The following ANKRD18A variants were observed in gnomAD, a reference collection of about 807,000 sequenced individuals.
ANKRD18A encodes ankyrin repeat domain 18A, also known as ankyrin repeat domain-containing protein 18A.
A neutral mutation model predicts 110.6 loss-of-function variants in ANKRD18A; 72 were observed. That is an observed-to-expected ratio of 0.65 (90% CI 0.54 to 0.79). The LOEUF is 0.79. Among genes scored for constraint, ANKRD18A ranks in the 30% least tolerant of loss-of-function variants. The pLI is 0.00. For synonymous variants in ANKRD18A, 305 were observed against 410.3 expected (o/e 0.74, Z 3.10); for missense variants, 934 against 1,163.3 (o/e 0.80, Z 2.87).
chr9:38,620,327 C>T lies in ANKRD18A; in HGVS notation c.-42G>A, dbSNP rs1342141582. The T allele has an allele frequency of 6.5e-7, 1 of 1,530,242 alleles. No homozygotes were observed. The highest frequency in any genetic ancestry group is 8.8e-7 in the Non-Finnish European group (1 of 1,134,982). 94.8% of individuals were successfully genotyped at this position (1,530,242 alleles called of 1,614,324 possible). Reference sequence around the variant, plus strand: ...ACGCCCACCACCCGCTCCTGAGCCGCGGCGGCTCCTCGTGGCCTTTCCACC... The same window carrying T: ...ACGCCCACCACCCGCTCCTGAGCCGTGGCGGCTCCTCGTGGCCTTTCCACC... On this transcript the variant is annotated 5_prime_UTR_variant, in exon 1 of 16. Coordinates refer to ENST00000399703, the MANE Select transcript of ANKRD18A (RefSeq NM_147195.4).
intron 12 of ANKRD18A, among the ~76,000 whole-genome samples, chr9:38,583,240 T>A (rs1476635237): frequency 5.3e-5 from 8 of 152,248 alleles, no homozygotes; most frequent in Admixed American, 5.2e-4. Context: ...GTGCAGCCAC[T>A]TTGGAAAACA....
chr9:38,606,316 G>C (rs1009260638), intron 6 of ANKRD18A, among the ~76,000 whole-genome samples: 11 of 152,084 alleles, frequency 7.2e-5, no homozygotes. Flanking sequence ...AACTGCAGGG[G>C]TCCACTTATA....
chr9:38,566,208 C>G, the ANKRD18A span: 1 of 152,222 alleles, frequency 6.6e-6, no homozygotes, highest in Non-Finnish European at 1.5e-5. Flanking sequence ...TACAATCATG[C>G]CTTGCCAGCA....
At chr9:38,576,261 T>G (rs1587483689) in intron 14 of ANKRD18A, among the ~76,000 whole-genome samples, 3 of 152,312 alleles carry the variant, frequency 2.0e-5, no homozygotes, top group Middle Eastern at 3.4e-3. Flanking sequence ...TAAGAACACT[T>G]AAGTATTTGG....
chr9:38,573,929 A>G (rs1443110459), intron 15 of ANKRD18A, among the ~76,000 whole-genome samples: 1 of 152,090 alleles, frequency 6.6e-6, no homozygotes, highest in Non-Finnish European at 1.5e-5. Context: ...ATTCTAAATT[A>G]AAGCGGTACC....
chr9:38,614,837 C>CT (rs1402888734), intron 3 of ANKRD18A, among the ~76,000 whole-genome samples: 1 of 152,154 alleles, frequency 6.6e-6, no homozygotes, highest in Non-Finnish European at 1.5e-5. Context: ...AGACTCTTAT[C>CT]TAAGTTGCTG....
intron 15 of ANKRD18A, 177 bp from the exon 16 acceptor site, chr9:38,572,236 G>A (rs1395237423): frequency 4.3e-6 from 2 of 466,522 alleles, no homozygotes; most frequent in Non-Finnish European, 7.5e-6. Context: ...AATTCCAATT[G>A]TGGTTAAATA....
chr9:38,593,143 T>G (rs1253215331), intron 10 of ANKRD18A, among the ~76,000 whole-genome samples: 1 of 152,246 alleles, frequency 6.6e-6, no homozygotes, highest in Non-Finnish European at 1.5e-5. Context: ...AGGATCCAGA[T>G]AATTTTCTGA....
rs569957896 is a variant in ANKRD18A, at chr9:38,620,580, G to A, written c.-295C>T. 2 of 955,874 alleles carry A rather than the reference G, an allele frequency of 2.1e-6. No homozygotes were observed. The highest frequency in any genetic ancestry group is 1.4e-6 in the Non-Finnish European group (1 of 729,934). The allele number at this position is 955,874 out of a possible 1,614,324, so 59.2% of individuals were successfully genotyped here. On this transcript the variant is annotated 5_prime_UTR_variant, in exon 1 of 16. Transcript: ENST00000399703. The stretch of plus-strand genomic sequence containing the variant: ...GCGCGCGCCTGAACCTCAGCGCTCC[G>A]AACTCTCAGACCGAGTGAGTCCCCG...
chr9:38,597,869 A>C (rs1587518823), intron 8 of ANKRD18A, among the ~76,000 whole-genome samples: 1 of 152,160 alleles, frequency 6.6e-6, no homozygotes, highest in Non-Finnish European at 1.5e-5. Context: ...ACATGTCAAA[A>C]CCTACCATAT....
rs632223 is a variant in ANKRD18A, at chr9:38,603,168, G to C, written c.853C>G (p.Arg285Gly). 6.4e-7 allele frequency: 1 copy of C among 1,550,904 alleles called. No individual in the cohort carries two copies. The highest frequency in any genetic ancestry group is 8.7e-7 in the Non-Finnish European group (1 of 1,146,532). Reference protein sequence around the residue: ...KPANLKKRKERAKAEHNLKVA... With the variant: ...KPANLKKRKEGAKAEHNLKVA... ...AACTCAAGTGTCTTACCTTTTGCAC[G>C]TTCTTTTCTTTTTTTCAAATTTGCA... The change falls in exon 7 of 16, where the codon CGT becomes GGT. Residue 285 changes from arginine (R) to glycine (G), a missense_variant. Physicochemically the swap from Arg to Gly is moderately radical, Grantham distance 125. Transcript: ENST00000399703.
chr9:38,578,261 TGTA>T, intron 12 of ANKRD18A, 113 bp from the exon 13 acceptor site: 1 of 1,020,438 alleles, frequency 9.8e-7, no homozygotes, highest in Admixed American at 3.4e-5. Flanking sequence ...TTATCTATAA[TGTA>T]GTAGATTCTT....
downstream of ANKRD18A, chr9:38,569,032 G>A: frequency 5.1e-6 from 5 of 985,400 alleles, no homozygotes; most frequent in Non-Finnish European, 6.0e-6. Flanking sequence ...TGCCATCTGG[G>A]GCTGCAGGGC....
chr9:38,602,300 C>CT (rs1301468448), intron 7 of ANKRD18A, among the ~76,000 whole-genome samples: 2 of 151,462 alleles, frequency 1.3e-5, no homozygotes, highest in East Asian at 3.9e-4. Context: ...TCAGGGATGG[C>CT]TTTTCTAGAG....
Position 38,575,576 on chromosome 9 carries a change from T to G in ANKRD18A, c.2864A>C (p.Asn955Thr). The change falls in exon 15 of 16, where the codon AAT (asparagine) becomes ACT (threonine). Residue 955 changes from asparagine (N) to threonine (T), a missense_variant. Physicochemically the swap from Asn to Thr is moderately conservative, Grantham distance 65. Transcript: ENST00000399703. Reference sequence around the variant, plus strand: ...ATATTTTCTGTTGAGTTCTATACTATTAAGATTTTCAACACAAGGTAACTC... The same window carrying G: ...ATATTTTCTGTTGAGTTCTATACTAGTAAGATTTTCAACACAAGGTAACTC... ...EPELPCVENL[N>T]SIELNRKYIP... 1.3e-6 allele frequency: 2 copies of G among 1,551,594 alleles called. No individual in the cohort carries two copies. The highest frequency in any genetic ancestry group is 1.7e-6 in the Non-Finnish European group (2 of 1,146,830).
At chr9:38,603,993 C>T (rs1229946957) in intron 6 of ANKRD18A, among the ~76,000 whole-genome samples, 1 of 152,094 alleles carries the variant, frequency 6.6e-6, no homozygotes, top group Non-Finnish European at 1.5e-5. Context: ...GTGGTGTGAC[C>T]CAGCTAATAA....
intron 3 of ANKRD18A, among the ~76,000 whole-genome samples, chr9:38,612,197 A>G (rs1486098927): frequency 6.6e-6 from 1 of 152,210 alleles, no homozygotes; most frequent in African/African-American, 2.4e-5. Flanking sequence ...TTTTTATCTT[A>G]ACTATTAGAA....
intron 15 of ANKRD18A, among the ~76,000 whole-genome samples, chr9:38,573,611 AG>A (rs1215257080): frequency 6.6e-6 from 1 of 152,044 alleles, no homozygotes. Flanking sequence ...GCTACTCGGG[AG>A]GCTGAGGCAG....
downstream of ANKRD18A, chr9:38,571,144 C>T (rs1267518580): frequency 2.6e-6 from 4 of 1,534,268 alleles, no homozygotes; most frequent in East Asian, 4.9e-5. Context: ...GACAGTGGTT[C>T]TTCTGTTGGG....
Sources: gnomAD v4.1 joint callset for allele counts (sites outside exome capture counted in the v4.1 genomes callset) on GRCh38, gnomAD v4.1.1 for gene constraint, MANE v1.5 for transcripts, NCBI Gene and HGNC (gene_info 2026-07-23, HGNC 2026-07-21) for gene names.